Variants in ESRRG observed in about 807,000 individuals in gnomAD.
ESRRG encodes estrogen related receptor gamma.
A neutral mutation model predicts 44.0 loss-of-function variants in ESRRG; 13 were observed. The observed-to-expected ratio is 0.30, with a 90% CI of 0.19 to 0.47. The LOEUF (loss-of-function observed/expected upper bound fraction) is 0.47, where lower values mean the gene tolerates loss of function less well. Among genes scored for constraint, ESRRG ranks in the 20% least tolerant of loss-of-function variants. The pLI is 1.00. For synonymous variants in ESRRG, 215 were observed against 214.6 expected (o/e 1.00, Z -0.02); for missense variants, 395 against 580.6 (o/e 0.68, Z 3.29).
chr1:217,063,738 TA>T, intron 1 of ESRRG, among the ~76,000 whole-genome samples: 1 of 152,306 alleles, frequency 6.6e-6, no homozygotes, highest in African/African-American at 2.4e-5. Flanking sequence ...ATCAGAATCA[TA>T]AGAGGTGTTT....
Position 216,651,095 on chromosome 1 carries a change from A to C in ESRRG, c.473-6T>G, listed in dbSNP as rs1188481548. The stretch of plus-strand genomic sequence containing the variant: ...GCAGCTGTATTCTATATTGCCTAAA[A>C]CACAAGTTTGAAGAAAAGTTGTCAT... On this transcript the variant is annotated splice_polypyrimidine_tract_variant and splice_region_variant and intron_variant, in intron 2 of 6. Coordinates refer to ENST00000408911, the MANE Select transcript of ESRRG (RefSeq NM_001438.4). 1 of 1,566,310 alleles carries C rather than the reference A, an allele frequency of 6.4e-7. No individual in the cohort carries two copies. The highest frequency in any genetic ancestry group is 1.4e-5 in the African/African-American group (1 of 73,960).
At chr1:216,516,668 C>CACACACAGAGAGAGAGAG (rs376701865) in intron 6 of ESRRG, among the ~76,000 whole-genome samples, 1,783 of 137,136 alleles carry the variant, frequency 0.013, 40 homozygotes, top group African/African-American at 0.048. Context: ...CACACACACA[C>CACACACAGAGAGAGAGAG]AGAGAGAGAG....
intron 2 of ESRRG, among the ~76,000 whole-genome samples, chr1:216,931,849 A>C (rs538372915): frequency 8.5e-4 from 129 of 151,994 alleles, no homozygotes; most frequent in African/African-American, 2.8e-3. Flanking sequence ...AAAAAAAAAA[A>C]ACACAAAATA....
chr1:216,660,755 G>A (rs190130917), intron 2 of ESRRG, among the ~76,000 whole-genome samples: 2 of 152,236 alleles, frequency 1.3e-5, no homozygotes, highest in East Asian at 1.9e-4. Context: ...TATGGTGTAA[G>A]GGCAGCTGTG....
chr1:216,852,573 A>G (rs986049864), intron 2 of ESRRG, among the ~76,000 whole-genome samples: 14 of 152,244 alleles, frequency 9.2e-5, no homozygotes, highest in African/African-American at 3.4e-4. Context: ...ATGTGTTCAT[A>G]CTATCTTGTT....
At chr1:216,844,162 G>A (rs374450371) in intron 2 of ESRRG, among the ~76,000 whole-genome samples, 1 of 151,014 alleles carries the variant, frequency 6.6e-6, no homozygotes, top group Admixed American at 6.8e-5. Flanking sequence ...TGAACACGGA[G>A]GATAGCACTT....
intron 2 of ESRRG, among the ~76,000 whole-genome samples, chr1:216,821,156 A>G (rs1370407731): frequency 6.6e-6 from 1 of 152,180 alleles, no homozygotes; most frequent in African/African-American, 2.4e-5. Flanking sequence ...AGCCATTGGT[A>G]ACTACGGTTG....
At chr1:216,767,459 A>G (rs2093141132) in intron 2 of ESRRG, among the ~76,000 whole-genome samples, 1 of 152,158 alleles carries the variant, frequency 6.6e-6, no homozygotes, top group African/African-American at 2.4e-5. Flanking sequence ...AATGAGTTTA[A>G]AGCTATTTGG....
At chr1:216,908,623 T>C (rs2059947510) in intron 2 of ESRRG, among the ~76,000 whole-genome samples, 1 of 152,138 alleles carries the variant, frequency 6.6e-6, no homozygotes, top group Admixed American at 6.5e-5. Flanking sequence ...CCATATGTCT[T>C]TGTGAGAGTC....
chr1:216,965,251 C>T (rs556312611), intron 1 of ESRRG, among the ~76,000 whole-genome samples: 25 of 152,152 alleles, frequency 1.6e-4, no homozygotes, highest in Non-Finnish European at 2.1e-4. Flanking sequence ...CCATCCCAAC[C>T]TGAATGGCAA....
At position 216,736,541 on chromosome 1, in the gene ESRRG, T is replaced by C. The variant is rs146028452; in HGVS notation, c.-13-59050A>G. Reference sequence around the variant, plus strand: ...CTCAAGTTGACGTCACACTGAATTTTAGGGTCAGAGTAAAAATACCATCTC... The same window carrying C: ...CTCAAGTTGACGTCACACTGAATTTCAGGGTCAGAGTAAAAATACCATCTC... On this transcript the variant is annotated intron_variant, in intron 2 of 7. Coordinates refer to the ESRRG transcript ENST00000359162. 4.1e-3 allele frequency among the ~76,000 whole-genome samples: 624 copies of C among 152,252 alleles called. 7 individuals are homozygous for C. The highest frequency in any genetic ancestry group is 0.014 in the African/African-American group (602 of 41,552).
intron 1 of ESRRG, among the ~76,000 whole-genome samples, chr1:217,119,696 T>A (rs1558282936): frequency 6.6e-6 from 1 of 152,218 alleles, no homozygotes; most frequent in Admixed American, 6.5e-5. Context: ...TATATGATTT[T>A]AAAAATAACA....
At chr1:217,037,524 C>A (rs1263116182) in intron 1 of ESRRG, among the ~76,000 whole-genome samples, 1 of 152,154 alleles carries the variant, frequency 6.6e-6, no homozygotes, top group African/African-American at 2.4e-5. Flanking sequence ...ATTCAATCAT[C>A]TCCTACTGAG....
chr1:216,594,271 T>C (rs972320598), intron 3 of ESRRG, among the ~76,000 whole-genome samples: 4 of 152,148 alleles, frequency 2.6e-5, no homozygotes, highest in African/African-American at 4.8e-5. Flanking sequence ...CAAAACATGT[T>C]CGTTATTGTT....
At chr1:216,930,065 C>T (rs2063135650) in intron 2 of ESRRG, among the ~76,000 whole-genome samples, 1 of 152,206 alleles carries the variant, frequency 6.6e-6, no homozygotes, top group Non-Finnish European at 1.5e-5. Context: ...GTCCTCACCT[C>T]ATGGACATTC....
At chr1:216,779,359 T>C (rs1444995972) in intron 2 of ESRRG, among the ~76,000 whole-genome samples, 1 of 90,552 alleles carries the variant, frequency 1.1e-5, no homozygotes, top group African/African-American at 4.5e-5. Flanking sequence ...AAAATATTTA[T>C]ATTTATTTAT....
intron 2 of ESRRG, among the ~76,000 whole-genome samples, chr1:216,766,454 C>A (rs1436367492): frequency 2.0e-5 from 3 of 151,868 alleles, no homozygotes; most frequent in Non-Finnish European, 4.4e-5. Context: ...TTCTCACAGC[C>A]CCAGTCCAAA....
chr1:216,770,636 G>A (rs957478498), intron 2 of ESRRG, among the ~76,000 whole-genome samples: 42 of 151,864 alleles, frequency 2.8e-4, no homozygotes, highest in African/African-American at 1.0e-3. Context: ...TAAATAACAG[G>A]TTAAAATATT....
intron 3 of ESRRG, among the ~76,000 whole-genome samples, chr1:216,637,522 C>T (rs1258354261): frequency 6.6e-6 from 1 of 152,136 alleles, no homozygotes; most frequent in South Asian, 2.1e-4. Flanking sequence ...GGATATTTCA[C>T]CTTTTGACAC....
Sources: gnomAD v4.1 joint callset for allele counts (sites outside exome capture counted in the v4.1 genomes callset) on GRCh38, gnomAD v4.1.1 for gene constraint, MANE v1.5 for transcripts, NCBI Gene and HGNC (gene_info 2026-07-23, HGNC 2026-07-21) for gene names.